The following NRF1 variants were observed in gnomAD, a reference collection of about 807,000 sequenced individuals.
NRF1 encodes the protein alpha palindromic-binding protein.
Under a neutral mutation model 58.5 loss-of-function variants are expected in NRF1, and 5 were observed. The ratio of observed to expected loss-of-function variants is 0.09; its 90% CI spans 0.04 to 0.18. NRF1 has a LOEUF of 0.18. Among genes scored for constraint, NRF1 ranks in the 10% least tolerant of loss-of-function variants. NRF1 has a pLI of 1.00. For missense variants in NRF1, 288 were observed against 657.7 expected (o/e 0.44, Z 6.15); for synonymous variants, 224 against 246.7 (o/e 0.91, Z 0.86).
chr7:129,632,853 A>C (rs1216130353), intron 1 of NRF1, among the ~76,000 whole-genome samples: 2 of 152,180 alleles, frequency 1.3e-5, no homozygotes, highest in African/African-American at 2.4e-5. Context: ...TGAAGATGAT[A>C]AAAATTTGTA....
At chr7:129,695,759 G>A (rs1360279141) in intron 5 of NRF1, among the ~76,000 whole-genome samples, 1 of 150,286 alleles carries the variant, frequency 6.7e-6, no homozygotes, top group Non-Finnish European at 1.5e-5. Context: ...GCCCACCTCT[G>A]TGTGTTTAGA....
At chr7:129,656,852 C>T (rs933989907) in intron 1 of NRF1, among the ~76,000 whole-genome samples, 1 of 152,226 alleles carries the variant, frequency 6.6e-6, no homozygotes, top group Non-Finnish European at 1.5e-5. Flanking sequence ...GCTGGGACTA[C>T]AGGCACTTGC....
At chr7:129,728,977 A>G (rs549211971) in intron 10 of NRF1, among the ~76,000 whole-genome samples, 2 of 152,180 alleles carry the variant, frequency 1.3e-5, no homozygotes, top group South Asian at 4.2e-4. Flanking sequence ...TCCTACTTCT[A>G]TTTTTTTACC....
chr7:129,659,290 GC>G (rs1367900303), intron 2 of NRF1, among the ~76,000 whole-genome samples: 1 of 152,070 alleles, frequency 6.6e-6, no homozygotes, highest in Non-Finnish European at 1.5e-5. Context: ...TGTTGGCCAG[GC>G]CGGTCTTGAA....
intron 5 of NRF1, among the ~76,000 whole-genome samples, chr7:129,690,863 G>T (rs1383584368): frequency 6.6e-6 from 1 of 152,130 alleles, no homozygotes; most frequent in South Asian, 2.1e-4. Context: ...AGAACATTAG[G>T]AGTTTAATGA....
At chr7:129,716,300 G>T (rs1803187845) in intron 8 of NRF1, among the ~76,000 whole-genome samples, 1 of 152,036 alleles carries the variant, frequency 6.6e-6, no homozygotes, top group African/African-American at 2.4e-5. Context: ...ATTGTATAAT[G>T]ATAAAATAAT....
intron 5 of NRF1, among the ~76,000 whole-genome samples, chr7:129,705,802 G>T (rs1326603242): frequency 6.6e-6 from 1 of 152,054 alleles, no homozygotes; most frequent in East Asian, 1.9e-4. Context: ...AAATAGCTGG[G>T]CATGGTGGCA....
intron 2 of NRF1, among the ~76,000 whole-genome samples, chr7:129,661,013 C>G (rs962628355): frequency 1.3e-5 from 2 of 151,326 alleles, no homozygotes; most frequent in Non-Finnish European, 2.9e-5. Flanking sequence ...TTCCCAAACT[C>G]CAATCCTTGA....
intron 5 of NRF1, among the ~76,000 whole-genome samples, chr7:129,707,106 G>A (rs1667268385): frequency 6.6e-6 from 1 of 152,128 alleles, no homozygotes; most frequent in Non-Finnish European, 1.5e-5. Flanking sequence ...CGATCCTCCT[G>A]CCTCAGCCTC....
Position 129,755,192 on chromosome 7 carries a change from T to C in NRF1, c.*11T>C. On this transcript the variant is annotated 3_prime_UTR_variant, in exon 11 of 11. Coordinates refer to ENST00000393232, the MANE Select transcript of NRF1 (RefSeq NM_005011.5). This position sits in a 1 kb window ranked among gnomAD's most constrained non-coding sequence, Gnocchi z 5.8. ...ACATTGGAACAGTGACATACAGCCA[T>C]ATTATGGCATCGTTTTCTAGTCTAC... The C allele has an allele frequency of 6.4e-7, 1 of 1,569,400 alleles. No homozygotes were observed. The highest frequency in any genetic ancestry group is 8.6e-7 in the Non-Finnish European group (1 of 1,158,102).
chr7:129,703,842 G>A (rs1054479421), intron 5 of NRF1, among the ~76,000 whole-genome samples: 4 of 152,144 alleles, frequency 2.6e-5, no homozygotes, highest in Admixed American at 6.5e-5. Context: ...GCCTGTGGAA[G>A]TAACCTTCTT....
chr7:129,685,852 T>G (rs1409845544), intron 4 of NRF1, among the ~76,000 whole-genome samples: 1 of 151,890 alleles, frequency 6.6e-6, no homozygotes, highest in Admixed American at 6.6e-5. Context: ...CTCATGTCTG[T>G]AATCCCAGCA....
Position 129,755,118 on chromosome 7 carries a change from G to A in NRF1, c.1449G>A (p.Arg483=), listed in dbSNP as rs756912629. 9.3e-6 allele frequency: 15 copies of A among 1,613,920 alleles called. No homozygotes were observed. The highest frequency in any genetic ancestry group is 1.3e-5 in the Non-Finnish European group (15 of 1,179,986). The change falls in exon 11 of 11, where the codon AGG becomes AGA. Residue 483 remains arginine (R), a synonymous_variant. Coordinates refer to ENST00000393232, the MANE Select transcript of NRF1 (RefSeq NM_005011.5). The surrounding 1 kb of genome is among the most constrained non-coding windows in gnomAD (Gnocchi z 5.8). ...VQVAMAPVTT[R]ISDSAVTMDG... is the part of the protein sequence containing the mutation. Reference sequence around the variant, plus strand: ...TGGCCATGGCCCCTGTGACCACCAGGATATCAGACAGCGCAGTCACCATGG... The same window carrying A: ...TGGCCATGGCCCCTGTGACCACCAGAATATCAGACAGCGCAGTCACCATGG...
chr7:129,749,475 T>C (rs1400522700), intron 10 of NRF1, among the ~76,000 whole-genome samples: 1 of 152,102 alleles, frequency 6.6e-6, no homozygotes, highest in African/African-American at 2.4e-5. Flanking sequence ...TCATTGTCCT[T>C]GACAGGGAAA....
In NRF1 at chr7:129,741,212, G is replaced by A. The variant is rs868471501; in HGVS notation, c.1349-13806G>A. ...CACCAATCTGAGCCAGGGACATTCC[G>A]AGCAGACAACTCAGGTCAGGGCTTC... is the stretch of plus-strand genomic sequence containing the variant. On this transcript the variant is annotated intron_variant, in intron 10 of 10. Coordinates refer to ENST00000393232, the MANE Select transcript of NRF1 (RefSeq NM_005011.5). The surrounding 1 kb of genome is among the most constrained non-coding windows in gnomAD (Gnocchi z 4.0). 1.1e-4 allele frequency among the ~76,000 whole-genome samples: 16 copies of A among 152,278 alleles called. No individual in the cohort carries two copies. Among genetic ancestry groups the A allele is most frequent in the Middle Eastern group, 6.8e-3 (2 of 294 alleles).
chr7:129,629,717 T>C (rs1254160234), intron 1 of NRF1, among the ~76,000 whole-genome samples: 1 of 152,026 alleles, frequency 6.6e-6, no homozygotes, highest in Admixed American at 6.6e-5. Flanking sequence ...GGGAGAAGAG[T>C]TAATAAAATT....
chr7:129,681,735 AGCT>A (rs1226176873), intron 4 of NRF1, among the ~76,000 whole-genome samples: 8 of 152,034 alleles, frequency 5.3e-5, no homozygotes, highest in African/African-American at 1.9e-4. Flanking sequence ...CGCCACACCC[AGCT>A]AAGATAAGAA....
rs191125948 is a variant in NRF1, at chr7:129,669,983, G to C, written c.224-1446G>C. 2.2e-3 allele frequency among the ~76,000 whole-genome samples: 339 copies of C among 152,310 alleles called. 2 individuals are homozygous for C. The highest frequency in any genetic ancestry group is 3.4e-3 in the Middle Eastern group (1 of 294). ...TGAATGGCTAAAGCAAATGTGATCT[G>C]TATGTACAATGGAACATTATTCACC... On this transcript the variant is annotated intron_variant, in intron 2 of 10. Coordinates refer to ENST00000393232, the MANE Select transcript of NRF1 (RefSeq NM_005011.5).
rs569085953 is a variant in NRF1, at chr7:129,742,790, A to G, written c.1349-12228A>G. The stretch of plus-strand genomic sequence containing the variant: ...AGTTGGCACACTGGAAGCTCTGGAA[A>G]GGTTTTAGAGCTGTGCTCTGGCTAT... On this transcript the variant is annotated intron_variant, in intron 10 of 10. Transcript: ENST00000393232. Among the ~76,000 whole-genome samples the G allele has an allele frequency of 2.0e-5, 3 of 152,288 alleles. No individual in the cohort carries two copies. In the South Asian group the frequency reaches 6.2e-4, roughly 32 times the overall value.
Sources: allele counts gnomAD v4.1 joint callset (sites outside exome capture counted in the v4.1 genomes callset), GRCh38; gene constraint gnomAD v4.1.1; non-coding constraint Gnocchi (gnomAD v3.1); transcripts MANE v1.5; gene names NCBI Gene and HGNC (gene_info 2026-07-23, HGNC 2026-07-21).